The following DAB1 variants were observed in gnomAD, a reference collection of about 807,000 sequenced individuals.
DAB1 encodes the protein disabled homolog 1.
A neutral mutation model predicts 64.6 loss-of-function variants in DAB1; 15 were observed. The ratio of observed to expected loss-of-function variants is 0.23; its 90% confidence interval spans 0.16 to 0.36. The LOEUF (loss-of-function observed/expected upper bound fraction) is 0.36, where lower values mean the gene tolerates loss of function less well. DAB1 is among the 10% of genes least tolerant of loss of function. The pLI is 1.00. For missense variants in DAB1, 596 were observed against 706.7 expected (o/e 0.84, Z 1.78); for synonymous variants, 235 against 251.9 (o/e 0.93, Z 0.64).
intron 3 of DAB1, among the ~76,000 whole-genome samples, chr1:58,448,983 T>C (rs1303467939): frequency 1.3e-5 from 2 of 152,154 alleles, no homozygotes; most frequent in East Asian, 3.9e-4. Context: ...ATCATTGAGG[T>C]AGAAAAAATG....
chr1:57,954,434 T>C (rs1189587320), intron 5 of DAB1, among the ~76,000 whole-genome samples: 3 of 152,140 alleles, frequency 2.0e-5, no homozygotes, highest in Admixed American at 1.3e-4. Context: ...TGGGTGATGA[T>C]GCCTAGGAAG....
chr1:58,340,466 T>C (rs930236339), intron 4 of DAB1, among the ~76,000 whole-genome samples: 3 of 152,186 alleles, frequency 2.0e-5, no homozygotes, highest in African/African-American at 7.2e-5. Context: ...CAATCTTCTG[T>C]GAGAGAATGC....
intron 3 of DAB1, among the ~76,000 whole-genome samples, chr1:58,358,614 C>G (rs939413727): frequency 5.9e-5 from 9 of 152,140 alleles, no homozygotes; most frequent in Admixed American, 5.2e-4. Context: ...GGGGATGCAG[C>G]CTGGATTTAT....
chr1:57,932,897 C>T (rs1644973562), intron 5 of DAB1, among the ~76,000 whole-genome samples: 1 of 152,110 alleles, frequency 6.6e-6, no homozygotes, highest in South Asian at 2.1e-4. Flanking sequence ...TTTCCTTTCC[C>T]CAGGTCAGTT....
chr1:57,621,699 G>A (rs1002836690), intron 7 of DAB1, among the ~76,000 whole-genome samples: 1 of 152,220 alleles, frequency 6.6e-6, no homozygotes, highest in African/African-American at 2.4e-5. Flanking sequence ...GGTATTAAGT[G>A]GGATTCTCGC....
chr1:58,111,498 T>C (rs1055429774), intron 5 of DAB1, among the ~76,000 whole-genome samples: 1 of 152,214 alleles, frequency 6.6e-6, no homozygotes, highest in Non-Finnish European at 1.5e-5. Context: ...ATTGTCCAGA[T>C]TATTTTTTAA....
chr1:57,633,227 G>A (rs1196874702), intron 7 of DAB1, among the ~76,000 whole-genome samples: 1 of 152,208 alleles, frequency 6.6e-6, no homozygotes, highest in Non-Finnish European at 1.5e-5. Flanking sequence ...TGTGAGGAGA[G>A]GAGGGGGCCG....
At chr1:57,893,811 G>A (rs1445637770) in intron 5 of DAB1, among the ~76,000 whole-genome samples, 2 of 152,092 alleles carry the variant, frequency 1.3e-5, no homozygotes, top group Non-Finnish European at 2.9e-5. Context: ...CCAGGGAAAG[G>A]CAGGCTCTCT....
At chr1:58,452,161 T>C (rs1204171181) in intron 3 of DAB1, among the ~76,000 whole-genome samples, 1 of 151,944 alleles carries the variant, frequency 6.6e-6, no homozygotes, top group East Asian at 1.9e-4. Flanking sequence ...CTCGAACTCC[T>C]GACCTCAGAT....
At chr1:57,484,047 C>A (rs1395881064) in intron 7 of DAB1, among the ~76,000 whole-genome samples, 3 of 152,064 alleles carry the variant, frequency 2.0e-5, no homozygotes, top group African/African-American at 7.2e-5. Flanking sequence ...GCAAGGTGGG[C>A]AAATTTGAGC....
chr1:58,103,676 A>C (rs533516949), intron 5 of DAB1, among the ~76,000 whole-genome samples: 1 of 152,218 alleles, frequency 6.6e-6, no homozygotes, highest in South Asian at 2.1e-4. Context: ...TATTGCATTG[A>C]GTATTAACTT....
At chr1:57,957,780 G>C (rs1373928936) in intron 5 of DAB1, among the ~76,000 whole-genome samples, 1 of 152,164 alleles carries the variant, frequency 6.6e-6, no homozygotes, top group Non-Finnish European at 1.5e-5. Flanking sequence ...AGGAAGGCAG[G>C]TGAGTCACTG....
At chr1:57,918,896 C>A (rs1344011235) in intron 5 of DAB1, among the ~76,000 whole-genome samples, 1 of 152,128 alleles carries the variant, frequency 6.6e-6, no homozygotes, top group Admixed American at 6.6e-5. Context: ...TCCACTAGGC[C>A]CCACTTCCCA....
chr1:57,316,613 T>C (rs1473669380), intron 1 of DAB1, among the ~76,000 whole-genome samples: 3 of 152,002 alleles, frequency 2.0e-5, no homozygotes, highest in African/African-American at 7.3e-5. Flanking sequence ...TCTGCTCGGA[T>C]GTCTCAAAAA....
intron 6 of DAB1, among the ~76,000 whole-genome samples, chr1:57,736,417 G>A (rs1647694542): frequency 6.6e-6 from 1 of 152,180 alleles, no homozygotes; most frequent in African/African-American, 2.4e-5. Flanking sequence ...TCAGGAAGGA[G>A]ACACCGAATG....
At chr1:58,288,701 C>G (rs1661748933) in intron 4 of DAB1, among the ~76,000 whole-genome samples, 1 of 152,158 alleles carries the variant, frequency 6.6e-6, no homozygotes, top group South Asian at 2.1e-4. Flanking sequence ...ATAAGCCCCT[C>G]CTTTGACCCT....
chr1:58,079,362 G>T (rs1433801648), intron 5 of DAB1, among the ~76,000 whole-genome samples: 1 of 152,016 alleles, frequency 6.6e-6, no homozygotes, highest in African/African-American at 2.4e-5. Flanking sequence ...ACTTACCACT[G>T]CATCATGTAC....
In DAB1 at chr1:57,118,331, G is replaced by T. The variant is rs375570978; in HGVS notation, c.306+18212C>A. 1.1e-4 allele frequency among the ~76,000 whole-genome samples: 17 copies of T among 152,242 alleles called. No homozygotes were observed. The East Asian group carries it at 2.5e-3, about 23-fold the overall frequency. The stretch of plus-strand genomic sequence containing the variant: ...TATAGGCCATACTGCAAAACTGATT[G>T]GAAGTCTGAAGGGGCCACATAATTC... On this transcript the variant is annotated intron_variant, in intron 4 of 14. Coordinates refer to ENST00000371236, the MANE Select transcript of DAB1 (RefSeq NM_001365792.1).
intron 2 of DAB1, among the ~76,000 whole-genome samples, chr1:57,284,656 C>A (rs1218770992): frequency 5.3e-5 from 8 of 152,190 alleles, no homozygotes; most frequent in Non-Finnish European, 1.2e-4. Flanking sequence ...ATAAATAAGC[C>A]TGATAAAAAG....
Sources: allele counts gnomAD v4.1 joint callset (sites outside exome capture counted in the v4.1 genomes callset), GRCh38; gene constraint gnomAD v4.1.1; transcripts MANE v1.5; gene names NCBI Gene and HGNC (gene_info 2026-07-23, HGNC 2026-07-21).